Variants in ADRA1A observed in about 807,000 individuals in gnomAD.
ADRA1A encodes adrenoceptor alpha 1A, also known as alpha-1A adrenergic receptor.
In ADRA1A, 31 loss-of-function variants were observed where a neutral mutation model predicts 29.6. The ratio of observed to expected loss-of-function variants is 1.05; its 90% CI spans 0.79 to 1.41. The LOEUF is 1.41. Ranked by LOEUF, ADRA1A falls within the 40% of genes most tolerant of loss-of-function variation. The probability of loss-of-function intolerance (pLI) is 0.00; values close to 1 mark genes in which losing one functional copy is unlikely to be tolerated. For synonymous variants in ADRA1A, 311 were observed against 254.3 expected (o/e 1.22, Z -2.12); for missense variants, 619 against 601.1 (o/e 1.03, Z -0.31).
intron 2 of ADRA1A, among the ~76,000 whole-genome samples, chr8:26,850,667 CT>C (rs1233033860): frequency 6.6e-6 from 1 of 152,102 alleles, no homozygotes; most frequent in East Asian, 1.9e-4. Flanking sequence ...AATTTTTGTA[CT>C]TTTAATAGAG....
chr8:26,770,845 T>C (rs1585650577), intron 2 of ADRA1A, among the ~76,000 whole-genome samples, 179 bp from the exon 3 acceptor site: 4 of 152,194 alleles, frequency 2.6e-5, no homozygotes, highest in Admixed American at 2.6e-4. Context: ...TTGCAATATC[T>C]TCAAAGACCA....
rs558845106 is a variant in ADRA1A at position 26,770,370 on chromosome 8, C to T, written c.1180G>A (p.Val394Ile). ...GAAGAGAAAAATTTCCATTCACAAA[C>T]GCCATCCGTCTTGGAGATCCTGTAG... The part of the protein sequence containing the change: ...TFYRISKTDG[V>I]CEWKFFSSMP... Residue 394 changes from valine (V) to isoleucine (I), a missense_variant, in exon 3 of 3, where the codon GTT becomes ATT. By Grantham distance (29) the Val-to-Ile change is conservative (BLOSUM62 3). Coordinates refer to ENST00000380573, the MANE Select transcript of ADRA1A (RefSeq NM_000680.4). 390 of 1,614,196 alleles carry T rather than the reference C, an allele frequency of 2.4e-4. 2 individuals are homozygous for T. The South Asian group carries it at 3.1e-3, about 13-fold the overall frequency.
chr8:26,777,456 C>A (rs911037976), intron 2 of ADRA1A, among the ~76,000 whole-genome samples: 4 of 152,180 alleles, frequency 2.6e-5, no homozygotes, highest in African/African-American at 9.7e-5. Context: ...GGCTGGGGAA[C>A]CTCACTTAGC....
At chr8:26,850,030 AC>A (rs1812505280) in intron 2 of ADRA1A, among the ~76,000 whole-genome samples, 1 of 146,610 alleles carries the variant, frequency 6.8e-6, no homozygotes, top group Non-Finnish European at 1.5e-5. Flanking sequence ...AAATGCAAAA[AC>A]AAAAAACAAA....
intron 2 of ADRA1A, among the ~76,000 whole-genome samples, chr8:26,863,384 C>T (rs1813623846): frequency 6.6e-6 from 1 of 151,912 alleles, no homozygotes; most frequent in Non-Finnish European, 1.5e-5. Flanking sequence ...TGCAACTTCC[C>T]GGATGATTTT....
Position 26,822,602 on chromosome 8 carries a change from T to G in ADRA1A, c.883+41485A>C, listed in dbSNP as rs77877359. On this transcript the variant is annotated intron_variant, in intron 2 of 2. Coordinates refer to ENST00000380573, the MANE Select transcript of ADRA1A (RefSeq NM_000680.4). ...AAAGAAAACTGCATGAAAGACATTG[T>G]AGTATACAACCTAAGGTGCTATTTA... 1.7e-3 allele frequency among the ~76,000 whole-genome samples: 260 copies of G among 152,330 alleles called. 4 individuals carry two copies. In the East Asian group the frequency reaches 0.046, roughly 27 times the overall value.
downstream of ADRA1A, among the ~76,000 whole-genome samples, chr8:26,754,028 T>C (rs544870919): frequency 2.6e-5 from 4 of 152,354 alleles, no homozygotes; most frequent in African/African-American, 7.2e-5. Context: ...TGCTTAGTAC[T>C]ATATACATTC....
intron 2 of ADRA1A, among the ~76,000 whole-genome samples, chr8:26,792,960 A>G (rs1807939617): frequency 6.6e-6 from 1 of 151,968 alleles, no homozygotes; most frequent in Non-Finnish European, 1.5e-5. Flanking sequence ...AAAAAAATTG[A>G]ATATATACTG....
chr8:26,841,571 C>G lies in ADRA1A; in HGVS notation c.883+22516G>C, dbSNP rs1811820727. Among the ~76,000 whole-genome samples, 1 of 152,174 alleles carries G rather than the reference C, an allele frequency of 6.6e-6. No homozygotes were observed. Among genetic ancestry groups the G allele is most frequent in the South Asian group, 2.1e-4 (1 of 4,826 alleles). ...ATGGCGACAGCACAATCTTTCATCC[C>G]TTTGCTTTGTCCTCTCAGGTCCTGG... On this transcript the variant is annotated intron_variant, in intron 2 of 2. Transcript: ENST00000380573. This position sits in a 1 kb window ranked among gnomAD's most constrained non-coding sequence, Gnocchi z 4.4.
At chr8:26,812,505 G>C (rs552851349) in intron 2 of ADRA1A, among the ~76,000 whole-genome samples, 1 of 152,122 alleles carries the variant, frequency 6.6e-6, no homozygotes, top group African/African-American at 2.4e-5. Context: ...TTAGAAGTCA[G>C]TAAAGTTCAG....
intron 2 of ADRA1A, among the ~76,000 whole-genome samples, chr8:26,812,193 T>C (rs1224085578): frequency 1.3e-5 from 2 of 152,124 alleles, no homozygotes; most frequent in Non-Finnish European, 2.9e-5. Flanking sequence ...AAAACCATGT[T>C]TTTTCCTTCT....
chr8:26,844,987 AT>A (rs142781585), intron 2 of ADRA1A, among the ~76,000 whole-genome samples: 5,183 of 152,332 alleles, frequency 0.034, 121 homozygotes, highest in Middle Eastern at 0.12. Flanking sequence ...ATTGGGCTGC[AT>A]TCAAAGCCGT....
At chr8:26,779,528 A>G in intron 2 of ADRA1A, 1 of 604,072 alleles carries the variant, frequency 1.7e-6, no homozygotes, top group Non-Finnish European at 2.9e-6. Context: ...AAAGGGGAAA[A>G]CAGCCCATGA....
chr8:26,769,999 C>G lies in ADRA1A; in HGVS notation c.*150G>C. 6.9e-7 allele frequency: 1 copy of G among 1,444,708 alleles called. No homozygotes were observed. Among genetic ancestry groups the G allele is most frequent in the East Asian group, 2.3e-5 (1 of 43,148 alleles). The allele number at this position is 1,444,708 out of a possible 1,614,324, so 89.5% of individuals were successfully genotyped here. On this transcript the variant is annotated 3_prime_UTR_variant, in exon 3 of 3. Transcript: ENST00000380573. ...CCTCTTCCCTGTGCCCTACCCGCTG[C>G]CTGATGAGTTGGGTCTACCACCCAC...
At chr8:26,764,613 A>G (rs1438938680), downstream of ADRA1A, among the ~76,000 whole-genome samples, 1 of 152,192 alleles carries the variant, frequency 6.6e-6, no homozygotes, top group Non-Finnish European at 1.5e-5. Context: ...GAAACCCTTA[A>G]ATCTCCCACC....
At chr8:26,767,815 T>C (rs1211022509), downstream of ADRA1A, among the ~76,000 whole-genome samples, 1 of 152,204 alleles carries the variant, frequency 6.6e-6, no homozygotes, top group East Asian at 1.9e-4. Flanking sequence ...GTGGGGCAAG[T>C]GATTTTCTTA....
chr8:26,860,726 T>C lies in ADRA1A; in HGVS notation c.883+3361A>G, dbSNP rs1813388903. Among the ~76,000 whole-genome samples the C allele has an allele frequency of 1.3e-5, 2 of 152,164 alleles. No individual in the cohort carries two copies. Among genetic ancestry groups the C allele is most frequent in the South Asian group, 4.1e-4 (2 of 4,822 alleles). On this transcript the variant is annotated intron_variant, in intron 2 of 2. Transcript: ENST00000380573. The surrounding 1 kb of genome is among the most constrained non-coding windows in gnomAD (Gnocchi z 4.7). ...CTCTCTCCCTCTGTCTCTACTTGCC[T>C]CAGGGCTCACACACTTTGCTCTCCT...
chr8:26,828,437 A>G (rs1244122939), intron 2 of ADRA1A, among the ~76,000 whole-genome samples: 1 of 152,134 alleles, frequency 6.6e-6, no homozygotes, highest in African/African-American at 2.4e-5. Context: ...TCCCTGTTAA[A>G]ATAAAAAACA....
intron 2 of ADRA1A, among the ~76,000 whole-genome samples, chr8:26,843,376 G>T (rs887651525): frequency 6.6e-6 from 1 of 152,164 alleles, no homozygotes; most frequent in African/African-American, 2.4e-5. Context: ...CTAGTTTCCT[G>T]CTCATCCCTC....
Sources: gnomAD v4.1 joint callset for allele counts (sites outside exome capture counted in the v4.1 genomes callset) on GRCh38, gnomAD v4.1.1 for gene constraint, Gnocchi (gnomAD v3.1) non-coding constraint, MANE v1.5 for transcripts, NCBI Gene and HGNC (gene_info 2026-07-23, HGNC 2026-07-21) for gene names.